SH3RF2: variants seen among roughly 807,000 people sequenced by gnomAD.
The protein encoded by SH3RF2 is SH3 domain containing ring finger 2, also known as E3 ubiquitin-protein ligase SH3RF2.
SH3RF2 carries 43 observed loss-of-function variants against 59.0 expected under a neutral mutation model. The observed-to-expected ratio is 0.73, with a 90% confidence interval of 0.57 to 0.94. The LOEUF is 0.94. Among genes scored for constraint, SH3RF2 ranks in the 40% least tolerant of loss-of-function variants. The pLI is 0.00. For missense variants in SH3RF2, 930 were observed against 940.1 expected, an observed-to-expected ratio of 0.99 and a Z score of 0.14; for synonymous variants, 391 against 391.5, an observed-to-expected ratio of 1.00 and a Z score of 0.01.
At chr5:146,054,405 C>T (rs1762598387) in intron 7 of SH3RF2, among the ~76,000 whole-genome samples, 3 of 152,208 alleles carry the variant, frequency 2.0e-5, no homozygotes, top group Non-Finnish European at 2.9e-5. Context: ...TTTGTCTTTC[C>T]TGTTGCCAGT....
intron 5 of SH3RF2, among the ~76,000 whole-genome samples, chr5:146,032,966 T>C (rs1240360505): frequency 6.6e-6 from 1 of 152,148 alleles, no homozygotes; most frequent in Admixed American, 6.5e-5. Flanking sequence ...ACACACGGAC[T>C]TGTGTGCTGT....
At chr5:146,052,570 T>C (rs1458018972) in intron 7 of SH3RF2, among the ~76,000 whole-genome samples, 2 of 152,188 alleles carry the variant, frequency 1.3e-5, no homozygotes, top group African/African-American at 4.8e-5. Context: ...AACAAGTGCC[T>C]ATTAGAGGAT....
chr5:146,058,591 A>G (rs1762767153), intron 8 of SH3RF2, among the ~76,000 whole-genome samples: 1 of 152,196 alleles, frequency 6.6e-6, no homozygotes, highest in Non-Finnish European at 1.5e-5. Flanking sequence ...GCTGGACACA[A>G]ATGACTTTGA....
At chr5:146,064,487 C>T (rs943674206), downstream of SH3RF2, among the ~76,000 whole-genome samples, 1 of 149,684 alleles carries the variant, frequency 6.7e-6, no homozygotes, top group African/African-American at 2.5e-5. Flanking sequence ...ATTGCATGCC[C>T]ATCAATGTGG....
chr5:145,984,204 T>C (rs1363207051), intron 2 of SH3RF2, among the ~76,000 whole-genome samples: 1 of 152,154 alleles, frequency 6.6e-6, no homozygotes, highest in Admixed American at 6.6e-5. Context: ...TGAGTAGACG[T>C]AGCAAGTATA....
At chr5:146,062,286 A>G (rs1194284610) in intron 9 of SH3RF2, 140 bp from the exon 10 acceptor site, 34 of 1,072,528 alleles carry the variant, frequency 3.2e-5, no homozygotes, top group Non-Finnish European at 4.4e-5. Context: ...TACTTCCCCC[A>G]TCTTAGCACT....
chr5:146,035,528 G>A lies in SH3RF2; in HGVS notation c.1060-12244G>A, dbSNP rs571463695. On this transcript the variant is annotated intron_variant, in intron 5 of 9. Coordinates refer to ENST00000359120, the MANE Select transcript of SH3RF2 (RefSeq NM_152550.4). ...ATAACTTGCCCAGGGTTACACGGTC[G>A]GTGAAAGCATAGCAAAGTGGGGACC... 9.1e-4 allele frequency among the ~76,000 whole-genome samples: 138 copies of A among 152,162 alleles called. 1 individual carries two copies. The highest frequency in any genetic ancestry group is 8.8e-3 in the Admixed American group (134 of 15,290).
intron 2 of SH3RF2, among the ~76,000 whole-genome samples, chr5:145,949,351 G>T (rs2149944624): frequency 6.6e-6 from 1 of 152,308 alleles, no homozygotes; most frequent in Non-Finnish European, 1.5e-5. Context: ...GGTTGCCAAG[G>T]CGATACGGCA....
Position 146,060,040 on chromosome 5 carries a change from CG to C in SH3RF2, c.1735del (p.Glu579SerfsTer49). On this transcript the variant is annotated frameshift_variant, in exon 9 of 10. Coordinates refer to ENST00000359120, the MANE Select transcript of SH3RF2 (RefSeq NM_152550.4). LOFTEE classifies it high-confidence loss of function. ...GAGATGGGGTCCAAGCCTGCCCTCA[CG>C]GGGGAGCCCGCCCTCACGTGCATCA... ...VVEMGSKPAL[T>X]GEPALTCISR... 6.2e-7 allele frequency: 1 copy of C among 1,612,490 alleles called. No individual in the cohort carries two copies.
At chr5:145,944,561 T>A (rs1407204938) in intron 2 of SH3RF2, among the ~76,000 whole-genome samples, 3 of 152,134 alleles carry the variant, frequency 2.0e-5, no homozygotes. Context: ...TAGACCAGCC[T>A]TTCACATGGT....
intron 9 of SH3RF2, among the ~76,000 whole-genome samples, chr5:146,076,649 G>A (rs1373625927): frequency 1.3e-5 from 2 of 152,308 alleles, no homozygotes; most frequent in East Asian, 3.9e-4. Flanking sequence ...ACTTGCTGTT[G>A]TGCTGAATGG....
intron 7 of SH3RF2, 158 bp from the exon 8 acceptor site, chr5:146,055,823 C>T (rs1295258441): frequency 1.3e-6 from 1 of 798,518 alleles, no homozygotes; most frequent in Non-Finnish European, 2.0e-6. Context: ...TTTAGTTAAG[C>T]CTGTAGTTCA....
chr5:146,037,471 T>G (rs544689861), intron 5 of SH3RF2, among the ~76,000 whole-genome samples: 9 of 152,234 alleles, frequency 5.9e-5, no homozygotes, highest in African/African-American at 2.2e-4. Flanking sequence ...GAATTGATGA[T>G]GTATGGGGGG....
intron 2 of SH3RF2, among the ~76,000 whole-genome samples, chr5:145,953,666 C>A (rs1237330712): frequency 6.6e-6 from 1 of 152,126 alleles, no homozygotes; most frequent in Non-Finnish European, 1.5e-5. Flanking sequence ...AGGAATTAAG[C>A]CTAGTACCCA....
intron 8 of SH3RF2, among the ~76,000 whole-genome samples, chr5:146,057,887 G>A (rs925730717): frequency 1.3e-5 from 2 of 151,892 alleles, no homozygotes; most frequent in Non-Finnish European, 2.9e-5. Flanking sequence ...AGACTGCAGT[G>A]AGCTACAATC....
At chr5:145,987,541 G>A (rs995087557) in intron 2 of SH3RF2, among the ~76,000 whole-genome samples, 2 of 152,258 alleles carry the variant, frequency 1.3e-5, no homozygotes, top group African/African-American at 2.4e-5. Flanking sequence ...TCTTCCCTAC[G>A]TTGGGTTCCT....
rs1225238835 is a variant in SH3RF2, at chr5:146,054,463, C to A, written c.1323-1518C>A. Among the ~76,000 whole-genome samples the A allele has an allele frequency of 6.6e-5, 10 of 152,196 alleles. 1 individual carries two copies. The highest frequency in any genetic ancestry group is 6.5e-4 in the Admixed American group (10 of 15,282). ...TTGAGGCCTCTGTTCAAAAGACAGGCAGATCAGTTGCACTCTGGCATGGAA... is the reference window on the plus strand; with the variant it reads ...TTGAGGCCTCTGTTCAAAAGACAGGAAGATCAGTTGCACTCTGGCATGGAA... On this transcript the variant is annotated intron_variant, in intron 7 of 9. Coordinates refer to ENST00000359120, the MANE Select transcript of SH3RF2 (RefSeq NM_152550.4).
rs181368554 is a variant in SH3RF2 at position 145,976,884 on chromosome 5, T to C, written c.379-23174T>C. Among the ~76,000 whole-genome samples the C allele has an allele frequency of 4.2e-3, 644 of 152,368 alleles. 2 individuals are homozygous for C. Among genetic ancestry groups the C allele is most frequent in the Non-Finnish European group, 5.7e-3 (386 of 68,032 alleles). ...GTCCTGTTGTTTCGGTTAGAGCCTG[T>C]ATAATAAGGCATGTTGGAAGAGGAA... On this transcript the variant is annotated intron_variant, in intron 2 of 9. Transcript: ENST00000359120.
downstream of SH3RF2, among the ~76,000 whole-genome samples, chr5:146,064,784 G>GAAGGAAGGAAGGAAAGGAAGGAAGGA (rs1580949934): frequency 2.1e-4 from 8 of 37,690 alleles, no homozygotes; most frequent in East Asian, 5.4e-3. Flanking sequence ...GGAAAGGAAG[G>GAAGGAAGGAAGGAAAGGAAGGAAGGA]AAGGAAGGAA....
Sources: gnomAD v4.1 joint callset for allele counts (sites outside exome capture counted in the v4.1 genomes callset) on GRCh38, gnomAD v4.1.1 for gene constraint, MANE v1.5 for transcripts, NCBI Gene and HGNC (gene_info 2026-07-23, HGNC 2026-07-21) for gene names.